LAMA1: variants seen among roughly 807,000 people sequenced by gnomAD.
The protein encoded by LAMA1 is laminin subunit alpha-1.
LAMA1 carries 219 observed loss-of-function variants against 348.7 expected under a neutral mutation model. The ratio of observed to expected loss-of-function variants is 0.63; its 90% confidence interval spans 0.56 to 0.70. LAMA1 has a LOEUF of 0.70. Among genes scored for constraint, LAMA1 ranks in the 30% least tolerant of loss-of-function variants. The pLI, the probability that LAMA1 is intolerant of heterozygous loss-of-function variation, is 0.00. For missense variants in LAMA1, 3,744 were observed against 3,888.0 expected (o/e 0.96, Z 0.99); for synonymous variants, 1,487 against 1,491.0 (o/e 1.00, Z 0.06).
rs1471501706 is a variant in LAMA1 at position 6,991,153 on chromosome 18, G to T, written c.5168+1408C>A. On this transcript the variant is annotated intron_variant, in intron 36 of 62. Transcript: ENST00000389658. ...TATTATTCTAGTAATTAGATTACTAGTCCTCTCTCCAAACTCCATCCAACT... is the reference window on the plus strand; with the variant it reads ...TATTATTCTAGTAATTAGATTACTATTCCTCTCTCCAAACTCCATCCAACT... Among the ~76,000 whole-genome samples the T allele has an allele frequency of 2.0e-5, 3 of 152,012 alleles. No homozygotes were observed. The South Asian group carries it at 6.2e-4, about 32-fold the overall frequency.
chr18:6,944,305 C>G (rs536615037), intron 61 of LAMA1, among the ~76,000 whole-genome samples: 2 of 152,160 alleles, frequency 1.3e-5, no homozygotes, highest in Non-Finnish European at 2.9e-5. Context: ...TGTGAGCCAC[C>G]GCACCTGGCC....
intron 30 of LAMA1, 146 bp downstream of exon 30, chr18:7,002,118 A>G (rs2057810260): frequency 2.8e-6 from 3 of 1,054,602 alleles, no homozygotes; most frequent in Non-Finnish European, 4.1e-6. Context: ...GCTTTTGAGA[A>G]TGAACACCTT....
At position 7,080,063 on chromosome 18, in the gene LAMA1, A is replaced by G. The variant is rs572217085; in HGVS notation, c.257T>C (p.Ile86Thr). Residue 86 changes from isoleucine to threonine, a missense_variant, in exon 3 of 63, where the codon ATA (isoleucine) becomes ACA (threonine). This residue lies in a region of LAMA1 where 1,529 missense variants were observed against 1,689.4 expected (regional missense o/e 0.91). Coordinates refer to ENST00000389658, the MANE Select transcript of LAMA1 (RefSeq NM_005559.4). ...TTGCCACCAGTTATTGGTGCCATCT[A>G]TGGCATGTGATATTGGATGGCGTTC... ...PRERHPISHA[I>T]DGTNNWWQSP... is the part of the protein sequence containing the mutation. The G allele has an allele frequency of 3.7e-6, 6 of 1,613,708 alleles. No homozygotes were observed. The highest frequency in any genetic ancestry group is 1.7e-5 in the Admixed American group (1 of 60,006).
intron 1 of LAMA1, among the ~76,000 whole-genome samples, chr18:7,103,347 G>C (rs2058299008): frequency 6.6e-6 from 1 of 151,850 alleles, no homozygotes; most frequent in Non-Finnish European, 1.5e-5. Flanking sequence ...GGAGCTTGCA[G>C]TGAGCTGAGA....
At chr18:7,066,191 C>T (rs1156893688) in intron 3 of LAMA1, among the ~76,000 whole-genome samples, 2 of 152,176 alleles carry the variant, frequency 1.3e-5, no homozygotes, top group East Asian at 3.9e-4. Flanking sequence ...AGGCTTAAAA[C>T]GACAAATCCA....
chr18:6,980,503 A>G lies in LAMA1; in HGVS notation c.6007+18T>C, dbSNP rs1358097814. ...AATGAGAAGACGTTATTTACAGAAG[A>G]AAGTCCTTTCCACTTACCTTTAGGA... On this transcript the variant is annotated intron_variant, in intron 42 of 62. Coordinates refer to ENST00000389658, the MANE Select transcript of LAMA1 (RefSeq NM_005559.4). 3 of 1,398,942 alleles carry G rather than the reference A, an allele frequency of 2.1e-6. No homozygotes were observed. The highest frequency in any genetic ancestry group is 3.0e-6 in the Non-Finnish European group (3 of 983,730). The allele number at this position is 1,398,942 out of a possible 1,614,324, so 86.7% of individuals were successfully genotyped here.
intron 53 of LAMA1, chr18:6,960,625 T>G (rs2057602464): frequency 6.7e-6 from 1 of 150,300 alleles, no homozygotes; most frequent in Non-Finnish European, 1.5e-5. Context: ...GCTGCTGAAT[T>G]GTTCACTATG....
intron 3 of LAMA1, among the ~76,000 whole-genome samples, chr18:7,059,787 G>C (rs1246657886): frequency 6.6e-6 from 1 of 152,168 alleles, no homozygotes; most frequent in Non-Finnish European, 1.5e-5. Context: ...GTGAATGAAG[G>C]CATGTTTTCT....
In LAMA1 at chr18:6,985,345, T is replaced by C. The variant is rs981786076; in HGVS notation, c.5552A>G (p.His1851Arg). The C allele has an allele frequency of 1.2e-6, 2 of 1,614,134 alleles. No homozygotes were observed. The highest frequency in any genetic ancestry group is 2.7e-5 in the African/African-American group (2 of 74,942). ...LLLWSAKIRH[H>R]IDDLVMHMSQ... is the part of the protein sequence containing the mutation. Reference sequence around the variant, plus strand: ...CATGTGCATGACCAGGTCATCTATGTGGTGCCTGATTTTGGCAGACCATAA... The same window carrying C: ...CATGTGCATGACCAGGTCATCTATGCGGTGCCTGATTTTGGCAGACCATAA... Residue 1851 changes from histidine to arginine, a missense_variant, in exon 39 of 63, where the codon CAC (histidine) becomes CGC (arginine). Coordinates refer to ENST00000389658, the MANE Select transcript of LAMA1 (RefSeq NM_005559.4).
intron 1 of LAMA1, among the ~76,000 whole-genome samples, chr18:7,095,185 T>C (rs1186086360): frequency 6.6e-6 from 1 of 150,448 alleles, no homozygotes; most frequent in Non-Finnish European, 1.5e-5. Flanking sequence ...AAATTAACAA[T>C]TTGTTTCCTT....
chr18:7,098,445 A>C (rs2058272996), intron 1 of LAMA1, among the ~76,000 whole-genome samples: 2 of 149,046 alleles, frequency 1.3e-5, no homozygotes, highest in South Asian at 2.1e-4. Flanking sequence ...GGAAGTGAGG[A>C]GCGTCCCTGC....
intron 42 of LAMA1, among the ~76,000 whole-genome samples, 181 bp from the exon 43 acceptor site, chr18:6,978,559 G>C (rs2057693970): frequency 6.6e-6 from 1 of 152,080 alleles, no homozygotes; most frequent in African/African-American, 2.4e-5. Context: ...TGAACTAAGA[G>C]CTTCTTGTTT....
intron 5 of LAMA1, 75 bp from the exon 6 acceptor site, chr18:7,046,442 A>T: frequency 7.3e-6 from 6 of 821,486 alleles, no homozygotes; most frequent in Non-Finnish European, 1.3e-5. Flanking sequence ...CACACCAACA[A>T]ATATCTCATG....
At chr18:6,943,466 C>A in intron 61 of LAMA1, 64 bp from the exon 62 acceptor site, 1 of 1,300,002 alleles carries the variant, frequency 7.7e-7, no homozygotes, top group Non-Finnish European at 1.1e-6. Context: ...TGTATAAGCT[C>A]TTGGAGTAGA....
chr18:7,097,925 C>T (rs28649078), intron 1 of LAMA1, among the ~76,000 whole-genome samples: 76,855 of 148,978 alleles, frequency 0.52, 20,642 homozygotes, highest in East Asian at 0.59. Context: ...AGCTGGACTG[C>T]ACTGCTGCCA....
At position 7,025,995 on chromosome 18, in the gene LAMA1, T is replaced by C; in HGVS notation, c.2386A>G (p.Thr796Ala). ...GDCQPCACPL[T>A]IASNNFSPTC... ...GAGGCTTACTTGTTGGAGGCTATGG[T>C]GAGAGGGCAGGCGCAGGGCTGGCAG... Residue 796 changes from threonine to alanine, a missense_variant, in exon 17 of 63, where the codon ACC becomes GCC. By Grantham distance (58) the Thr-to-Ala change is moderately conservative. Coordinates refer to ENST00000389658, the MANE Select transcript of LAMA1 (RefSeq NM_005559.4). 6.2e-7 allele frequency: 1 copy of C among 1,608,072 alleles called. No homozygotes were observed. The highest frequency in any genetic ancestry group is 8.5e-7 in the Non-Finnish European group (1 of 1,177,388).
chr18:6,967,195 T>C (rs991704517), intron 48 of LAMA1, among the ~76,000 whole-genome samples: 8 of 152,230 alleles, frequency 5.3e-5, no homozygotes, highest in Admixed American at 2.6e-4. Flanking sequence ...TTGTGAAACC[T>C]GAGGTTTCAA....
rs147381498 is a variant in LAMA1 at position 6,999,614 on chromosome 18, G to T, written c.4494C>A (p.Asn1498Lys). ...GGCAACTGCCACCTGGTGTTTGAGGGTTCCCATAATAGCTTGAGGAGCACC... is the reference window on the plus strand; with the variant it reads ...GGCAACTGCCACCTGGTGTTTGAGGTTTCCCATAATAGCTTGAGGAGCACC... Reference protein sequence around the residue: ...CERCSSSYYGNPQTPGGSCQK... With the variant: ...CERCSSSYYGKPQTPGGSCQK... The change falls in exon 32 of 63, where the codon AAC becomes AAA. Residue 1498 changes from asparagine (N) to lysine (K), a missense_variant. By Grantham distance (94) the Asn-to-Lys change is moderately conservative. Coordinates refer to ENST00000389658, the MANE Select transcript of LAMA1 (RefSeq NM_005559.4). The T allele has an allele frequency of 2.5e-6, 4 of 1,613,174 alleles. No homozygotes were observed. In the Admixed American group the frequency reaches 5.0e-5, roughly 20 times the overall value.
Position 7,042,223 on chromosome 18 carries a change from G to A in LAMA1, c.1183C>T (p.Arg395Cys), listed in dbSNP as rs148751644. ...KVSPYEDEPC[R>C]PCNCDPVGSL... ...CCCACAGGGTCACAATTACAGGGGC[G>A]GCAAGGCTCATCCTCATAAGGAGAC... The change falls in exon 9 of 63, where the codon CGC becomes TGC. Residue 395 changes from arginine (R) to cysteine (C), a missense_variant. This residue lies in a region of LAMA1 where 1,529 missense variants were observed against 1,689.4 expected (regional missense o/e 0.91). Transcript: ENST00000389658. The A allele has an allele frequency of 1.9e-3, 3,055 of 1,611,278 alleles. 42 individuals are homozygous for A. The highest frequency in any genetic ancestry group is 8.4e-4 in the Non-Finnish European group (984 of 1,178,336).
Sources: allele counts gnomAD v4.1 joint callset (sites outside exome capture counted in the v4.1 genomes callset), GRCh38; gene constraint gnomAD v4.1.1; regional missense constraint gnomAD v4.1.1; transcripts MANE v1.5; gene names NCBI Gene and HGNC (gene_info 2026-07-23, HGNC 2026-07-21).